The following NSF variants were observed in gnomAD, a reference collection of about 807,000 sequenced individuals.
NSF encodes the protein vesicle-fusing ATPase.
NSF carries 14 observed loss-of-function variants against 50.3 expected under a neutral mutation model. That is an observed-to-expected ratio of 0.28 (90% CI 0.18 to 0.44). The LOEUF (loss-of-function observed/expected upper bound fraction) is 0.44, where lower values mean the gene tolerates loss of function less well. NSF is among the 20% of genes least tolerant of loss of function. The probability of loss-of-function intolerance (pLI) is 1.00; values close to 1 mark genes in which losing one functional copy is unlikely to be tolerated. For missense variants in NSF, 218 were observed against 504.3 expected (o/e 0.43, Z 5.44); for synonymous variants, 109 against 175.7 (o/e 0.62, Z 3.00).
At chr17:46,688,249 G>A (rs1337792270) in intron 9 of NSF, among the ~76,000 whole-genome samples, 4 of 151,042 alleles carry the variant, frequency 2.6e-5, no homozygotes, top group Non-Finnish European at 5.9e-5. Context: ...AATGGCTCAC[G>A]CCTGTAATCC....
chr17:46,740,795 G>A (rs2059063683), intron 17 of NSF, among the ~76,000 whole-genome samples: 2 of 151,840 alleles, frequency 1.3e-5, no homozygotes, highest in African/African-American at 4.8e-5. Context: ...ACAAGTAGCT[G>A]GGATTACAGG....
chr17:46,743,178 C>G (rs1489683651), intron 17 of NSF, among the ~76,000 whole-genome samples: 1 of 152,146 alleles, frequency 6.6e-6, no homozygotes, highest in East Asian at 1.9e-4. Context: ...CTCATCTTCC[C>G]TAACCCAGAG....
chr17:46,732,646 G>A (rs971023305), intron 17 of NSF, among the ~76,000 whole-genome samples: 5 of 152,158 alleles, frequency 3.3e-5, no homozygotes, highest in Non-Finnish European at 7.3e-5. Context: ...TGCAGTTCGT[G>A]AAGAGTGAAA....
At chr17:46,750,685 A>G (rs546971386) in intron 18 of NSF, among the ~76,000 whole-genome samples, 26 of 152,344 alleles carry the variant, frequency 1.7e-4, no homozygotes, top group African/African-American at 5.5e-4. Flanking sequence ...TGTATCCAGC[A>G]TGAGTGATGT....
chr17:46,721,642 A>G, intron 15 of NSF: 3 of 1,595,126 alleles, frequency 1.9e-6, no homozygotes, highest in Non-Finnish European at 2.6e-6. Context: ...TCTTATAGAC[A>G]CCAGAAAAAG....
intron 8 of NSF, among the ~76,000 whole-genome samples, chr17:46,672,251 C>CT (rs1213006152): frequency 4.5e-3 from 38 of 8,376 alleles, no homozygotes; most frequent in African/African-American, 0.011. Flanking sequence ...GAGGTGAAGT[C>CT]TTTTTTTTTT....
chr17:46,754,146 GTTC>G (rs2059210436), intron 19 of NSF, among the ~76,000 whole-genome samples: 1 of 91,156 alleles, frequency 1.1e-5, no homozygotes, highest in Non-Finnish European at 2.1e-5. Context: ...GCTCCAGCCA[GTTC>G]TTTTTTTTTT....
chr17:46,635,799 G>GTGTGTGTGTT (rs1555669110), intron 4 of NSF, among the ~76,000 whole-genome samples: 1 of 140,422 alleles, frequency 7.1e-6, no homozygotes, highest in African/African-American at 2.7e-5. Context: ...GTGTGTGTGT[G>GTGTGTGTGTT]TGTGTGTGTG....
At chr17:46,754,847 A>G (rs1232189689) in intron 19 of NSF, among the ~76,000 whole-genome samples, 1 of 152,244 alleles carries the variant, frequency 6.6e-6, no homozygotes, top group Non-Finnish European at 1.5e-5. Flanking sequence ...ACTGAGGCTA[A>G]GAAAAGCTAC....
intron 15 of NSF, among the ~76,000 whole-genome samples, chr17:46,718,194 G>A (rs912235125): frequency 1.3e-5 from 2 of 152,114 alleles, no homozygotes; most frequent in Non-Finnish European, 2.9e-5. Flanking sequence ...GCTCTCCCCT[G>A]ACCCACCCCA....
intron 17 of NSF, among the ~76,000 whole-genome samples, chr17:46,746,992 T>G (rs1275441212): frequency 3.3e-5 from 5 of 152,214 alleles, no homozygotes; most frequent in Admixed American, 3.3e-4. Context: ...AACGAGGCTT[T>G]ATAGTCTTTG....
In NSF at chr17:46,714,005, C is replaced by A; in HGVS notation, c.1761+19C>A. The stretch of plus-strand genomic sequence containing the variant: ...GAAGAAGGTATCAAGATTTTACTTT[C>A]ATTTTAATTTCCTATCTCTTAAATG... On this transcript the variant is annotated intron_variant, in intron 15 of 20. Transcript: ENST00000398238. 6.3e-7 allele frequency: 1 copy of A among 1,595,642 alleles called. No homozygotes were observed. The highest frequency in any genetic ancestry group is 8.5e-7 in the Non-Finnish European group (1 of 1,174,494).
intron 9 of NSF, among the ~76,000 whole-genome samples, chr17:46,684,684 A>C (rs1200104349): frequency 6.6e-6 from 1 of 150,814 alleles, no homozygotes; most frequent in Non-Finnish European, 1.5e-5. Flanking sequence ...GGTGTTGGGA[A>C]AACTGGCTAG....
intron 1 of NSF, among the ~76,000 whole-genome samples, chr17:46,603,302 C>A (rs2057930952): frequency 6.6e-6 from 1 of 151,964 alleles, no homozygotes; most frequent in African/African-American, 2.4e-5. Flanking sequence ...TGCAGACCAG[C>A]AAATTAGCAT....
At position 46,755,796 on chromosome 17, in the gene NSF, T is replaced by C. The variant is rs772686042; in HGVS notation, c.2214-6T>C. 2.0e-5 allele frequency: 32 copies of C among 1,611,164 alleles called. No individual in the cohort carries two copies. Among genetic ancestry groups the C allele is most frequent in the Non-Finnish European group, 2.3e-5 (27 of 1,179,592 alleles). On this transcript the variant is annotated splice_region_variant and splice_polypyrimidine_tract_variant and intron_variant, in intron 20 of 20. Transcript: ENST00000398238. ...GTTTTTTTGTGTTTTGGTATTTCTTTTGCAGTAGCCCCCTTGATTTTGATT... is the reference window on the plus strand; with the variant it reads ...GTTTTTTTGTGTTTTGGTATTTCTTCTGCAGTAGCCCCCTTGATTTTGATT...
rs192910289 is a variant in NSF at position 46,709,684 on chromosome 17, G to T, written c.1471-1279G>T. On this transcript the variant is annotated intron_variant, in intron 13 of 20. Coordinates refer to ENST00000398238, the MANE Select transcript of NSF (RefSeq NM_006178.4). ...TAATTTTTGTATTTTTAGTATAGAT[G>T]GGGTTTCACCACGTTGGCCAGGTTG... Among the ~76,000 whole-genome samples the T allele has an allele frequency of 3.6e-4, 54 of 151,986 alleles. No individual in the cohort carries two copies. The East Asian group carries it at 0.01, about 29-fold the overall frequency.
At chr17:46,755,395 C>T (rs1454041166) in intron 20 of NSF, 26 bp downstream of exon 20, 1 of 1,589,994 alleles carries the variant, frequency 6.3e-7, no homozygotes, top group East Asian at 2.2e-5. Flanking sequence ...ATTTAATGAC[C>T]ATCAACCAAA....
intron 17 of NSF, among the ~76,000 whole-genome samples, chr17:46,733,732 C>T (rs16941389): frequency 0.026 from 3,998 of 152,266 alleles, 171 homozygotes; most frequent in African/African-American, 0.09. Context: ...TCATTTGAAG[C>T]TCAACGATTG....
chr17:46,711,257 T>C (rs1248690438), intron 14 of NSF, 138 bp downstream of exon 14: 1 of 792,712 alleles, frequency 1.3e-6, no homozygotes, highest in East Asian at 3.3e-5. Flanking sequence ...AGTAATCCAA[T>C]CTATGTACCA....
Sources: allele counts gnomAD v4.1 joint callset (sites outside exome capture counted in the v4.1 genomes callset), GRCh38; gene constraint gnomAD v4.1.1; transcripts MANE v1.5; gene names NCBI Gene and HGNC (gene_info 2026-07-23, HGNC 2026-07-21).